The following CAMTA1 variants were observed in gnomAD, a reference collection of about 807,000 sequenced individuals.
CAMTA1 encodes the protein calmodulin binding transcription activator 1.
In CAMTA1, 27 loss-of-function variants were observed where a neutral mutation model predicts 170.9. That is an observed-to-expected ratio of 0.16 (90% CI 0.12 to 0.22). The LOEUF (loss-of-function observed/expected upper bound fraction) is 0.22. CAMTA1 is among the 10% of genes least tolerant of loss of function. The pLI, the probability that CAMTA1 is intolerant of heterozygous loss-of-function variation, is 1.00. For missense variants in CAMTA1, 1,619 were observed against 2,217.2 expected, an observed-to-expected ratio of 0.73 and a Z score of 5.42; for synonymous variants, 833 against 891.5, an observed-to-expected ratio of 0.93 and a Z score of 1.17.
chr1:7,517,413 G>T (rs2094302059), intron 6 of CAMTA1, among the ~76,000 whole-genome samples: 1 of 152,136 alleles, frequency 6.6e-6, no homozygotes, highest in African/African-American at 2.4e-5. Flanking sequence ...CCTGTGAAAT[G>T]GGTACACGAA....
At chr1:6,789,123 T>C (rs971557281) in intron 1 of CAMTA1, among the ~76,000 whole-genome samples, 4 of 152,330 alleles carry the variant, frequency 2.6e-5, no homozygotes, top group African/African-American at 7.2e-5. Flanking sequence ...CATCTCATCA[T>C]TGAGTGGATT....
chr1:7,127,036 T>G (rs938155131), intron 4 of CAMTA1, among the ~76,000 whole-genome samples: 1 of 152,098 alleles, frequency 6.6e-6, no homozygotes. Context: ...CCCAAAGCGC[T>G]GGGATTACAG....
At chr1:7,001,487 C>A (rs1698198969) in intron 3 of CAMTA1, among the ~76,000 whole-genome samples, 1 of 152,212 alleles carries the variant, frequency 6.6e-6, no homozygotes, top group Admixed American at 6.5e-5. Flanking sequence ...AAATTATTCA[C>A]CTTGAATATA....
intron 3 of CAMTA1, among the ~76,000 whole-genome samples, chr1:6,923,455 A>G (rs1682449650): frequency 6.6e-6 from 1 of 152,182 alleles, no homozygotes; most frequent in Non-Finnish European, 1.5e-5. Flanking sequence ...TTATTGTAAG[A>G]GTTCTCTGAA....
At chr1:6,917,069 G>A (rs1680964819) in intron 3 of CAMTA1, among the ~76,000 whole-genome samples, 1 of 152,170 alleles carries the variant, frequency 6.6e-6, no homozygotes, top group Non-Finnish European at 1.5e-5. Flanking sequence ...GCCAGGTGAA[G>A]GGGGCCAGGG....
At chr1:7,656,720 C>T (rs531072792) in intron 7 of CAMTA1, among the ~76,000 whole-genome samples, 2 of 152,368 alleles carry the variant, frequency 1.3e-5, no homozygotes, top group Admixed American at 1.3e-4. Flanking sequence ...CGCCTTCCCC[C>T]AGCCCTCTCT....
chr1:6,815,869 A>G (rs1645750318), intron 1 of CAMTA1, among the ~76,000 whole-genome samples: 1 of 152,140 alleles, frequency 6.6e-6, no homozygotes, highest in South Asian at 2.1e-4. Context: ...TCCTAAGATA[A>G]CCCGCATGCA....
At chr1:7,679,683 A>G (rs2096166995) in intron 11 of CAMTA1, among the ~76,000 whole-genome samples, 2 of 151,614 alleles carry the variant, frequency 1.3e-5, no homozygotes, top group African/African-American at 4.9e-5. Context: ...TGGGGCGGCG[A>G]TGACATCAAG....
rs560146865 is a variant in CAMTA1 at position 6,965,048 on chromosome 1, C to G, written c.235-126256C>G. The stretch of plus-strand genomic sequence containing the variant: ...TGCTAACAGAGAGGGAGGGTCTTGT[C>G]TGGGAGACTTGCCTGACCCTCTCTT... On this transcript the variant is annotated intron_variant, in intron 3 of 22. Transcript: ENST00000303635. The surrounding 1 kb of genome is among the most constrained non-coding windows in gnomAD (Gnocchi z 4.1). Among the ~76,000 whole-genome samples, 43 of 152,308 alleles carry G rather than the reference C, an allele frequency of 2.8e-4. No individual in the cohort carries two copies. The highest frequency in any genetic ancestry group is 1.0e-3 in the African/African-American group (42 of 41,568).
At chr1:7,667,358 CG>C (rs1018542023) in intron 9 of CAMTA1, among the ~76,000 whole-genome samples, 2 of 152,064 alleles carry the variant, frequency 1.3e-5, no homozygotes, top group African/African-American at 4.8e-5. Flanking sequence ...GATCAGGGTG[CG>C]GGGGGACGGT....
chr1:7,142,069 G>A, intron 4 of CAMTA1: 1 of 518,026 alleles, frequency 1.9e-6, no homozygotes, highest in Non-Finnish European at 3.9e-6. Context: ...TTGCTAAGCT[G>A]CTTGGATCCA....
chr1:7,750,639 G>A (rs1221736419), intron 19 of CAMTA1, among the ~76,000 whole-genome samples: 1 of 152,198 alleles, frequency 6.6e-6, no homozygotes, highest in African/African-American at 2.4e-5. Flanking sequence ...CCACCGTGTT[G>A]GTCTTACGAG....
rs184324616 is a variant in CAMTA1, at chr1:6,927,924, G to A, written c.234+102714G>A. Among the ~76,000 whole-genome samples, 237 of 152,294 alleles carry A rather than the reference G, an allele frequency of 1.6e-3. 1 individual carries two copies. Among genetic ancestry groups the A allele is most frequent in the Non-Finnish European group, 1.9e-3 (127 of 68,036 alleles). On this transcript the variant is annotated intron_variant, in intron 3 of 22. Transcript: ENST00000303635. ...AGGCCTGAGGCTCTCAGACTCCTAC[G>A]TACCCATCTGGCAGTTGCAGGAGAG...
At chr1:6,973,324 C>A (rs187129647) in intron 3 of CAMTA1, among the ~76,000 whole-genome samples, 60 of 152,296 alleles carry the variant, frequency 3.9e-4, no homozygotes, top group Non-Finnish European at 6.3e-4. Context: ...GCAGTCATTG[C>A]TTCTAGGGGT....
intron 6 of CAMTA1, among the ~76,000 whole-genome samples, chr1:7,498,736 GAGAGGATGAGTGTGC>G (rs931164225): frequency 2.7e-5 from 3 of 113,120 alleles, no homozygotes; most frequent in African/African-American, 1.2e-4. Flanking sequence ...TGCATGTGCA[GAGAGGATGAGTGTGC>G]AGAGGATTGT....
intron 6 of CAMTA1, among the ~76,000 whole-genome samples, chr1:7,590,095 T>A (rs917034514): frequency 2.6e-5 from 4 of 152,212 alleles, no homozygotes; most frequent in African/African-American, 9.7e-5. Context: ...GTCTCCGCCC[T>A]GAACTTCAAC....
At chr1:7,340,227 A>C (rs1288414750) in intron 5 of CAMTA1, among the ~76,000 whole-genome samples, 1 of 152,186 alleles carries the variant, frequency 6.6e-6, no homozygotes, top group Non-Finnish European at 1.5e-5. Context: ...AATTTGGCCC[A>C]CAGTTATAGT....
intron 6 of CAMTA1, among the ~76,000 whole-genome samples, chr1:7,574,666 C>A (rs2150355181): frequency 6.6e-6 from 1 of 152,316 alleles, no homozygotes; most frequent in South Asian, 2.1e-4. Context: ...TCCGCCTGGC[C>A]AGCTCTGTCC....
intron 3 of CAMTA1, among the ~76,000 whole-genome samples, chr1:6,838,114 A>G (rs1654033142): frequency 6.6e-6 from 1 of 152,158 alleles, no homozygotes; most frequent in Non-Finnish European, 1.5e-5. Context: ...TGAATGAATG[A>G]GTAAAGACTT....
Sources: allele counts gnomAD v4.1 joint callset (sites outside exome capture counted in the v4.1 genomes callset), GRCh38; gene constraint gnomAD v4.1.1; non-coding constraint Gnocchi (gnomAD v3.1); transcripts MANE v1.5; gene names NCBI Gene and HGNC (gene_info 2026-07-23, HGNC 2026-07-21).